COLEC10: variants seen among roughly 807,000 people sequenced by gnomAD.
The protein encoded by COLEC10 is collectin subfamily member 10.
COLEC10 carries 22 observed loss-of-function variants against 28.4 expected under a neutral mutation model. The observed-to-expected ratio is 0.78, with a 90% CI of 0.55 to 1.11. The LOEUF is 1.11. Ranked by LOEUF, COLEC10 falls within the 50% of genes least tolerant of loss-of-function variation. The probability of loss-of-function intolerance (pLI) is 0.00; values close to 1 mark genes in which losing one functional copy is unlikely to be tolerated. For missense variants in COLEC10, 361 were observed against 344.1 expected (o/e 1.05, Z -0.39); for synonymous variants, 125 against 116.1 (o/e 1.08, Z -0.49).
chr8:119,092,716 G>A (rs1404607665), intron 3 of COLEC10, among the ~76,000 whole-genome samples: 1 of 152,046 alleles, frequency 6.6e-6, no homozygotes, highest in East Asian at 1.9e-4. Flanking sequence ...GACAAGCCTG[G>A]CCAAGATAGC....
intron 2 of COLEC10, among the ~76,000 whole-genome samples, chr8:119,035,686 G>A (rs750102190): frequency 1.5e-4 from 23 of 152,062 alleles, no homozygotes; most frequent in Non-Finnish European, 1.9e-4. Flanking sequence ...TTAAACTCTG[G>A]GCAAACCATT....
At chr8:118,954,651 A>G in the COLEC10 span, among the ~76,000 whole-genome samples, 1 of 152,320 alleles carries the variant, frequency 6.6e-6, no homozygotes, top group East Asian at 1.9e-4. Flanking sequence ...TTTCTAGGGG[A>G]CACCTCATCA....
At chr8:118,990,973 A>G (rs189892444), upstream of COLEC10, among the ~76,000 whole-genome samples, 2,859 of 151,408 alleles carry the variant, frequency 0.019, 88 homozygotes, top group African/African-American at 0.066. Flanking sequence ...ATTAAAGAAA[A>G]AAAAAACAAA....
chr8:118,972,265 C>A, the COLEC10 span, among the ~76,000 whole-genome samples: 1 of 151,906 alleles, frequency 6.6e-6, no homozygotes, highest in Non-Finnish European at 1.5e-5. Flanking sequence ...GAAGCAGAGA[C>A]CCTGAGCAAT....
At chr8:118,986,378 T>G in the COLEC10 span, among the ~76,000 whole-genome samples, 1 of 152,074 alleles carries the variant, frequency 6.6e-6, no homozygotes, top group Non-Finnish European at 1.5e-5. Flanking sequence ...AATTGAGACA[T>G]TTTCTGTACT....
chr8:119,038,758 G>T lies in COLEC10; in HGVS notation n.235+29205G>T, dbSNP rs77381181. On this transcript the variant is annotated intron_variant and non_coding_transcript_variant, in intron 2 of 6. Coordinates refer to the COLEC10 transcript ENST00000521788. ...ACAATTGCCAGTATTTCATTCACAA[G>T]TGAACCTGTTTTCAGTGTTTACTCA... 3.6e-4 allele frequency among the ~76,000 whole-genome samples: 55 copies of T among 152,224 alleles called. No homozygotes were observed. The East Asian group carries it at 9.9e-3, about 27-fold the overall frequency.
chr8:118,954,511 AGT>A, the COLEC10 span, among the ~76,000 whole-genome samples: 2 of 152,244 alleles, frequency 1.3e-5, no homozygotes, highest in Non-Finnish European at 2.9e-5. Context: ...ACATTTGAAC[AGT>A]AACTGGAAGA....
intron 1 of COLEC10, among the ~76,000 whole-genome samples, chr8:119,077,397 T>C (rs118109220): frequency 0.015 from 2,329 of 152,282 alleles, 31 homozygotes; most frequent in Admixed American, 0.026. Flanking sequence ...CAGAAGAGTG[T>C]ATGCAAAACT....
At chr8:119,082,155 A>C (rs529853502) in intron 1 of COLEC10, among the ~76,000 whole-genome samples, 1 of 152,298 alleles carries the variant, frequency 6.6e-6, no homozygotes, top group Non-Finnish European at 1.5e-5. Flanking sequence ...TGACTGTAAT[A>C]TTGAGAGACA....
chr8:119,037,102 A>G (rs897132795), intron 2 of COLEC10, among the ~76,000 whole-genome samples: 3 of 152,334 alleles, frequency 2.0e-5, no homozygotes, highest in Admixed American at 1.3e-4. Flanking sequence ...AAGGATCCCA[A>G]CACAGAGATT....
the COLEC10 span, among the ~76,000 whole-genome samples, chr8:118,969,308 G>C: frequency 6.6e-6 from 1 of 151,968 alleles, no homozygotes; most frequent in Admixed American, 6.6e-5. Context: ...GTAAATTCAT[G>C]TTTCTTTAAG....
At chr8:119,070,170 A>T (rs1045553221) in intron 1 of COLEC10, among the ~76,000 whole-genome samples, 3 of 152,166 alleles carry the variant, frequency 2.0e-5, no homozygotes, top group African/African-American at 7.2e-5. Flanking sequence ...CATCTGTTAC[A>T]CTTCAGTGTC....
intron 1 of COLEC10, among the ~76,000 whole-genome samples, chr8:119,084,618 T>A (rs1252001441): frequency 6.6e-6 from 1 of 152,232 alleles, no homozygotes; most frequent in Non-Finnish European, 1.5e-5. Flanking sequence ...TCAAGGTGAC[T>A]TTTTCAAATG....
chr8:119,100,611 T>G (rs1563744138), intron 3 of COLEC10, among the ~76,000 whole-genome samples: 1 of 152,198 alleles, frequency 6.6e-6, no homozygotes. Flanking sequence ...TGTGCCCACT[T>G]TCATTCAGTT....
At chr8:119,105,577 A>C (rs1485167981) in intron 5 of COLEC10, among the ~76,000 whole-genome samples, 2 of 152,106 alleles carry the variant, frequency 1.3e-5, no homozygotes, top group African/African-American at 4.8e-5. Context: ...CAGGTGTGTG[A>C]GAAGTTGAGG....
intron 1 of COLEC10, among the ~76,000 whole-genome samples, chr8:119,008,291 A>G (rs1813842671): frequency 6.6e-6 from 1 of 150,850 alleles, no homozygotes; most frequent in Admixed American, 6.6e-5. Flanking sequence ...GGGAACTTAG[A>G]TGATGGTGAA....
chr8:118,988,338 C>G, the COLEC10 span, among the ~76,000 whole-genome samples: 2 of 152,104 alleles, frequency 1.3e-5, no homozygotes, highest in Admixed American at 6.6e-5. Context: ...TCCAACTCCT[C>G]TCTCTAACAA....
At chr8:119,104,676 A>G (rs1318973594) in intron 5 of COLEC10, among the ~76,000 whole-genome samples, 1 of 152,192 alleles carries the variant, frequency 6.6e-6, no homozygotes, top group African/African-American at 2.4e-5. Flanking sequence ...TTGGAATCAC[A>G]TAGATGCTGT....
At chr8:119,026,215 G>A (rs1010463008) in intron 2 of COLEC10, among the ~76,000 whole-genome samples, 8 of 152,046 alleles carry the variant, frequency 5.3e-5, no homozygotes, top group African/African-American at 1.9e-4. Flanking sequence ...ACTGGGCATT[G>A]CCCTAAGTTC....
Sources: allele counts gnomAD v4.1 joint callset (sites outside exome capture counted in the v4.1 genomes callset), GRCh38; gene constraint gnomAD v4.1.1; transcripts MANE v1.5; gene names NCBI Gene and HGNC (gene_info 2026-07-23, HGNC 2026-07-21).